Variants in AGK observed in about 807,000 individuals in gnomAD.
AGK encodes acylglycerol kinase, mitochondrial.
A neutral mutation model predicts 66.4 loss-of-function variants in AGK; 52 were observed. The observed-to-expected ratio is 0.78, with a 90% CI of 0.63 to 0.99. The LOEUF is 0.99. Ranked by LOEUF, AGK falls within the 50% of genes least tolerant of loss-of-function variation. AGK has a pLI of 0.00. For synonymous variants in AGK, 182 were observed against 181.1 expected (o/e 1.00, Z -0.04); for missense variants, 451 against 506.6 (o/e 0.89, Z 1.05).
At chr7:141,623,996 G>T (rs1036690735) in intron 9 of AGK, among the ~76,000 whole-genome samples, 2 of 151,854 alleles carry the variant, frequency 1.3e-5, no homozygotes, top group African/African-American at 4.8e-5. Flanking sequence ...AACAAATCCT[G>T]GGTGATAGTA....
intron 4 of AGK, among the ~76,000 whole-genome samples, chr7:141,597,890 C>CAAAAAAAAAAAAAAAAAAAAAAAAAAA (rs56295907): frequency 4.2e-5 from 3 of 71,444 alleles, no homozygotes; most frequent in African/African-American, 2.3e-4. Context: ...GACTCTGTCT[C>CAAAAAAAAAAAAAAAAAAAAAAAAAAA]AAAAAAAAAA....
chr7:141,566,316 G>A (rs1304772309), intron 2 of AGK, among the ~76,000 whole-genome samples: 1 of 152,126 alleles, frequency 6.6e-6, no homozygotes, highest in African/African-American at 2.4e-5. Context: ...GACTCTACAG[G>A]CAGGGGTGCT....
chr7:141,583,749 A>C (rs991882248), intron 2 of AGK, among the ~76,000 whole-genome samples: 2 of 152,006 alleles, frequency 1.3e-5, no homozygotes, highest in African/African-American at 4.8e-5. Context: ...TCACGGATAA[A>C]ACATGTCTCC....
intron 2 of AGK, among the ~76,000 whole-genome samples, chr7:141,579,183 C>T (rs925748964): frequency 6.0e-5 from 9 of 150,760 alleles, no homozygotes; most frequent in Middle Eastern, 3.4e-3. Context: ...AGGACAGGCC[C>T]GAATTCTGAG....
At chr7:141,587,881 C>T (rs1436495349) in intron 2 of AGK, among the ~76,000 whole-genome samples, 1 of 152,206 alleles carries the variant, frequency 6.6e-6, no homozygotes, top group Non-Finnish European at 1.5e-5. Context: ...CAGTGCCTGG[C>T]ATATTATTTA....
chr7:141,616,869 T>C (rs990704148), intron 8 of AGK, among the ~76,000 whole-genome samples: 7 of 151,592 alleles, frequency 4.6e-5, no homozygotes, highest in African/African-American at 1.2e-4. Context: ...CGCCATTCTC[T>C]TGCCTCAGCC....
intron 3 of AGK, among the ~76,000 whole-genome samples, chr7:141,595,142 T>C (rs1401084103): frequency 1.3e-5 from 2 of 152,192 alleles, no homozygotes; most frequent in African/African-American, 4.8e-5. Context: ...TAGTCTCACA[T>C]AAACTCCTTA....
At chr7:141,591,874 T>A (rs1424045698) in intron 2 of AGK, among the ~76,000 whole-genome samples, 1 of 152,168 alleles carries the variant, frequency 6.6e-6, no homozygotes, top group East Asian at 1.9e-4. Flanking sequence ...TTAAAATGCT[T>A]TTATGGTAGA....
In AGK at chr7:141,601,196, T is replaced by G; in HGVS notation, c.222-9T>G. ...GTTAAAATGTTTATATTTTTTCCTT[T>G]GTTAACAGAAAAGCCAGGACTCTAT... is the stretch of plus-strand genomic sequence containing the variant. On this transcript the variant is annotated splice_polypyrimidine_tract_variant and intron_variant, in intron 4 of 15. Coordinates refer to ENST00000649286, the MANE Select transcript of AGK (RefSeq NM_018238.4). The G allele has an allele frequency of 1.9e-6, 3 of 1,603,886 alleles. No individual in the cohort carries two copies. The highest frequency in any genetic ancestry group is 1.7e-6 in the Non-Finnish European group (2 of 1,172,684).
chr7:141,631,980 G>C (rs934180233), intron 9 of AGK, among the ~76,000 whole-genome samples: 8 of 152,140 alleles, frequency 5.3e-5, no homozygotes, highest in African/African-American at 1.9e-4. Flanking sequence ...TGTAAGCCCA[G>C]CACTTTGGGA....
At chr7:141,567,780 G>C (rs1417706284) in intron 2 of AGK, among the ~76,000 whole-genome samples, 1 of 152,200 alleles carries the variant, frequency 6.6e-6, no homozygotes, top group African/African-American at 2.4e-5. Flanking sequence ...GGTCCTTTTA[G>C]TAGCAAAGAG....
At chr7:141,579,955 T>C (rs1222338137) in intron 2 of AGK, among the ~76,000 whole-genome samples, 1 of 151,930 alleles carries the variant, frequency 6.6e-6, no homozygotes, top group Admixed American at 6.5e-5. Flanking sequence ...CTAGTGGCTT[T>C]TTTAGCTACC....
In AGK at chr7:141,611,265, G is replaced by C. The variant is rs2116955361; in HGVS notation, c.368G>C (p.Gly123Ala). The change falls in exon 6 of 16, where the codon GGA becomes GCA. Residue 123 changes from glycine to alanine, a missense_variant. Physicochemically the swap from Gly to Ala is moderately conservative, Grantham distance 60. Coordinates refer to ENST00000649286, the MANE Select transcript of AGK (RefSeq NM_018238.4). ...AACACGGATGTGATCATTGTTGCAGGAGGAGATGGGACACTGCAGGAGGTA... is the reference window on the plus strand; with the variant it reads ...AACACGGATGTGATCATTGTTGCAGCAGGAGATGGGACACTGCAGGAGGTA... Reference protein sequence around the residue: ...MENTDVIIVAGGDGTLQEVVT... With the variant: ...MENTDVIIVAAGDGTLQEVVT... 6.2e-7 allele frequency: 1 copy of C among 1,613,248 alleles called. No homozygotes were observed. The highest frequency in any genetic ancestry group is 2.2e-5 in the East Asian group (1 of 44,846).
intron 2 of AGK, among the ~76,000 whole-genome samples, chr7:141,584,851 CA>C (rs1795963505): frequency 6.6e-6 from 1 of 152,160 alleles, no homozygotes; most frequent in South Asian, 2.1e-4. Context: ...CTCTAAGGGG[CA>C]TTGAAATGAA....
At chr7:141,568,040 G>A (rs1199691768) in intron 2 of AGK, among the ~76,000 whole-genome samples, 2 of 152,184 alleles carry the variant, frequency 1.3e-5, no homozygotes, top group Non-Finnish European at 2.9e-5. Flanking sequence ...GTAATTGTGA[G>A]TAAACTTGAT....
chr7:141,613,674 T>G (rs1489722588), intron 6 of AGK, among the ~76,000 whole-genome samples: 1 of 151,488 alleles, frequency 6.6e-6, no homozygotes, highest in Non-Finnish European at 1.5e-5. Flanking sequence ...ATTATGAGAA[T>G]TTTTTTTTGT....
Position 141,637,003 on chromosome 7 carries a change from T to C in AGK, c.712T>C (p.Phe238Leu). ...GPLKIKAAHF[F>L]STLKEWPQTH... ...TCTAAAAATCAAAGCAGCCCACTTTTTCAGCACTCTTAAGGTAAATGTGAT... is the reference window on the plus strand; with the variant it reads ...TCTAAAAATCAAAGCAGCCCACTTTCTCAGCACTCTTAAGGTAAATGTGAT... The change falls in exon 11 of 16, where the codon TTC becomes CTC. Residue 238 changes from phenylalanine (F) to leucine (L), a missense_variant. By Grantham distance (22) the Phe-to-Leu change is conservative. Coordinates refer to ENST00000649286, the MANE Select transcript of AGK (RefSeq NM_018238.4). 1 of 1,612,840 alleles carries C rather than the reference T, an allele frequency of 6.2e-7. No homozygotes were observed. The highest frequency in any genetic ancestry group is 1.7e-5 in the Admixed American group (1 of 59,962).
chr7:141,610,847 T>G lies in AGK; in HGVS notation c.298-348T>G, dbSNP rs372250326. ...GTCATTACATCTGCTTCTTCCTATT[T>G]GCATGTACACTTGACTTCCTATAAA... On this transcript the variant is annotated intron_variant, in intron 5 of 15. Transcript: ENST00000649286. Among the ~76,000 whole-genome samples, 8 of 152,338 alleles carry G rather than the reference T, an allele frequency of 5.3e-5. No individual in the cohort carries two copies. The East Asian group carries it at 1.5e-3, about 29-fold the overall frequency.
chr7:141,629,441 A>G (rs540566887), intron 9 of AGK, among the ~76,000 whole-genome samples: 1 of 152,036 alleles, frequency 6.6e-6, no homozygotes, highest in Admixed American at 6.5e-5. Context: ...TTGACTGCCT[A>G]CCCAGATGAG....
Sources: allele counts gnomAD v4.1 joint callset (sites outside exome capture counted in the v4.1 genomes callset), GRCh38; gene constraint gnomAD v4.1.1; transcripts MANE v1.5; gene names NCBI Gene and HGNC (gene_info 2026-07-23, HGNC 2026-07-21).